Variants in PTPRN2 observed in about 807,000 individuals in gnomAD.
PTPRN2 encodes the protein receptor-type tyrosine-protein phosphatase N2.
In PTPRN2, 74 loss-of-function variants were observed where a neutral mutation model predicts 118.8. The observed-to-expected ratio is 0.62, with a 90% CI of 0.52 to 0.76. The LOEUF (loss-of-function observed/expected upper bound fraction) is 0.76. PTPRN2 is among the 30% of genes least tolerant of loss of function. PTPRN2 has a pLI of 0.00. For missense variants in PTPRN2, 1,481 were observed against 1,394.4 expected (o/e 1.06, Z -0.99); for synonymous variants, 641 against 608.0 (o/e 1.05, Z -0.80).
At chr7:158,337,175 T>G (rs1343741193) in intron 2 of PTPRN2, among the ~76,000 whole-genome samples, 2 of 152,104 alleles carry the variant, frequency 1.3e-5, no homozygotes, top group African/African-American at 4.8e-5. Flanking sequence ...CCTGCAGACG[T>G]CACTCACACC....
intron 6 of PTPRN2, among the ~76,000 whole-genome samples, chr7:158,139,206 G>A (rs1283510876): frequency 6.6e-6 from 1 of 152,184 alleles, no homozygotes; most frequent in African/African-American, 2.4e-5. Flanking sequence ...AGAGCGAGGA[G>A]ACAAGGCCAT....
intron 12 of PTPRN2, among the ~76,000 whole-genome samples, chr7:157,777,285 C>T (rs567959152): frequency 5.1e-4 from 78 of 152,342 alleles, no homozygotes; most frequent in African/African-American, 1.7e-3. Flanking sequence ...CCATGTCGGT[C>T]GCTGAGTTAC....
intron 22 of PTPRN2, among the ~76,000 whole-genome samples, chr7:157,545,270 G>A (rs557026688): frequency 4.6e-5 from 7 of 151,126 alleles, no homozygotes; most frequent in Admixed American, 1.3e-4. Flanking sequence ...AGGTGTGTGC[G>A]TGTGAGCAGT....
At chr7:158,470,771 C>A (rs10275613) in intron 2 of PTPRN2, among the ~76,000 whole-genome samples, 3 of 152,100 alleles carry the variant, frequency 2.0e-5, no homozygotes, top group African/African-American at 7.2e-5. Context: ...TACATCTTCC[C>A]GCTCATGTTA....
intron 11 of PTPRN2, among the ~76,000 whole-genome samples, chr7:158,024,649 A>G (rs1486287812): frequency 6.6e-6 from 1 of 152,198 alleles, no homozygotes; most frequent in East Asian, 1.9e-4. Flanking sequence ...CATGGGGCTG[A>G]TCTGTGGGGC....
At chr7:158,064,482 C>T (rs7385030) in intron 11 of PTPRN2, among the ~76,000 whole-genome samples, 40,877 of 151,960 alleles carry the variant, frequency 0.27, 6,766 homozygotes, top group East Asian at 0.58. Flanking sequence ...GGGAGCCCAG[C>T]GCTGTGAGGT....
chr7:158,212,465 T>C (rs903509257), intron 3 of PTPRN2, among the ~76,000 whole-genome samples: 3 of 152,280 alleles, frequency 2.0e-5, no homozygotes, highest in African/African-American at 7.2e-5. Flanking sequence ...TATTATGCAT[T>C]GTATGCCTGT....
intron 4 of PTPRN2, among the ~76,000 whole-genome samples, chr7:158,196,152 T>G (rs928466180): frequency 2.6e-5 from 4 of 152,238 alleles, no homozygotes; most frequent in African/African-American, 9.6e-5. Flanking sequence ...CTGTTTGCTC[T>G]CATTTTTTTG....
At chr7:158,329,960 T>C (rs1804033390) in intron 2 of PTPRN2, among the ~76,000 whole-genome samples, 2 of 151,826 alleles carry the variant, frequency 1.3e-5, no homozygotes, top group Non-Finnish European at 2.9e-5. Flanking sequence ...CCTCAGGTCT[T>C]GTATGGCGAC....
chr7:158,342,950 C>G (rs145676450), intron 2 of PTPRN2, among the ~76,000 whole-genome samples: 6 of 152,296 alleles, frequency 3.9e-5, no homozygotes, highest in African/African-American at 1.4e-4. Flanking sequence ...GTGCTGGGTT[C>G]TTTTCAGCCA....
At chr7:158,246,951 A>G (rs1319845066) in intron 3 of PTPRN2, among the ~76,000 whole-genome samples, 2 of 152,216 alleles carry the variant, frequency 1.3e-5, no homozygotes, top group Admixed American at 6.5e-5. Context: ...TGAGGCCATC[A>G]GAAGCCATCT....
intron 11 of PTPRN2, among the ~76,000 whole-genome samples, chr7:158,075,534 T>G (rs1224254397): frequency 3.9e-5 from 6 of 152,286 alleles, no homozygotes; most frequent in Admixed American, 2.0e-4. Flanking sequence ...AGACGGGCAC[T>G]GAGCCTGCGG....
chr7:158,181,173 C>T (rs1396442274), intron 5 of PTPRN2, among the ~76,000 whole-genome samples: 6 of 152,108 alleles, frequency 3.9e-5, no homozygotes, highest in Non-Finnish European at 5.9e-5. Flanking sequence ...TTATTGAATG[C>T]TTTTCCTGCA....
intron 11 of PTPRN2, among the ~76,000 whole-genome samples, chr7:158,033,545 G>T (rs537954129): frequency 7.9e-5 from 12 of 152,292 alleles, no homozygotes; most frequent in African/African-American, 2.4e-4. Context: ...GGTGAGTGGG[G>T]GCTCTGAGCC....
chr7:157,860,892 C>T (rs377524625), intron 12 of PTPRN2, among the ~76,000 whole-genome samples: 13 of 152,234 alleles, frequency 8.5e-5, no homozygotes, highest in African/African-American at 2.7e-4. Flanking sequence ...TAGTTTTTCA[C>T]GGAACTGACC....
rs1810930085 is a variant in PTPRN2 at position 157,869,620 on chromosome 7, T to C, written c.1788+29053A>G. 6.6e-6 allele frequency among the ~76,000 whole-genome samples: 1 copy of C among 152,040 alleles called. No homozygotes were observed. The highest frequency in any genetic ancestry group is 1.9e-4 in the East Asian group (1 of 5,184). On this transcript the variant is annotated intron_variant, in intron 12 of 22. Transcript: ENST00000389418. This position sits in a 1 kb window ranked among gnomAD's most constrained non-coding sequence, Gnocchi z 4.2. ...TATCTAAGGAAAAATGGGTACCCTC[T>C]GGATATATTTTAAGAATGGAAAACA... is the stretch of plus-strand genomic sequence containing the variant.
At chr7:158,450,105 C>T (rs1056526915) in intron 2 of PTPRN2, among the ~76,000 whole-genome samples, 2 of 152,240 alleles carry the variant, frequency 1.3e-5, no homozygotes, top group African/African-American at 4.8e-5. Context: ...AGAGAGGACT[C>T]TTCCTCTTCT....
chr7:157,657,864 TAC>T (rs1325281826), intron 13 of PTPRN2, among the ~76,000 whole-genome samples: 3 of 74,072 alleles, frequency 4.1e-5, no homozygotes, highest in East Asian at 4.2e-4. Flanking sequence ...ATCACACATA[TAC>T]ACACACACCA....
intron 2 of PTPRN2, among the ~76,000 whole-genome samples, chr7:158,381,660 T>C (rs1378814863): frequency 3.3e-5 from 5 of 152,220 alleles, no homozygotes; most frequent in Non-Finnish European, 5.9e-5. Context: ...TTTTTGGTTA[T>C]CTACAGCAGT....
Sources: allele counts gnomAD v4.1 joint callset (sites outside exome capture counted in the v4.1 genomes callset), GRCh38; gene constraint gnomAD v4.1.1; non-coding constraint Gnocchi (gnomAD v3.1); transcripts MANE v1.5; gene names NCBI Gene and HGNC (gene_info 2026-07-23, HGNC 2026-07-21).